The following OLFM2 variants were observed in gnomAD, a reference collection of about 807,000 sequenced individuals.
OLFM2 encodes the protein olfactomedin 2, also known as noelin-2.
A neutral mutation model predicts 43.9 loss-of-function variants in OLFM2; 20 were observed. That is an observed-to-expected ratio of 0.46 (90% CI 0.32 to 0.66). The LOEUF is 0.66. Among genes scored for constraint, OLFM2 ranks in the 30% least tolerant of loss-of-function variants. The pLI is 0.04. For synonymous variants in OLFM2, 268 were observed against 278.6 expected (o/e 0.96, Z 0.38); for missense variants, 416 against 643.6 (o/e 0.65, Z 3.83).
intron 1 of OLFM2, among the ~76,000 whole-genome samples, chr19:9,911,630 G>A (rs149611305): frequency 6.6e-6 from 1 of 152,204 alleles, no homozygotes; most frequent in East Asian, 1.9e-4. Flanking sequence ...CCACACATAT[G>A]CACACAAAGA....
chr19:9,904,293 C>T (rs1599491525), intron 1 of OLFM2, among the ~76,000 whole-genome samples: 3 of 151,714 alleles, frequency 2.0e-5, no homozygotes, highest in East Asian at 3.9e-4. Context: ...CAGGTTCAAG[C>T]GATTCTCCTG....
intron 1 of OLFM2, among the ~76,000 whole-genome samples, chr19:9,884,713 T>C (rs768727736): frequency 1.3e-5 from 2 of 152,194 alleles, no homozygotes; most frequent in Admixed American, 6.6e-5. Flanking sequence ...CACAGCTCCC[T>C]GCCCCTTCCC....
chr19:9,930,126 A>T (rs1040623453), intron 1 of OLFM2, among the ~76,000 whole-genome samples: 1 of 152,194 alleles, frequency 6.6e-6, no homozygotes, highest in Non-Finnish European at 1.5e-5. Context: ...TGATGATACA[A>T]GCATGTCCCT....
chr19:9,932,222 G>A (rs748611914), intron 1 of OLFM2, among the ~76,000 whole-genome samples: 24 of 151,818 alleles, frequency 1.6e-4, no homozygotes, highest in Non-Finnish European at 2.9e-4. Context: ...CACTTTGGGC[G>A]GCAGATCACC....
chr19:9,896,331 C>T (rs1330995198), intron 1 of OLFM2, among the ~76,000 whole-genome samples: 1 of 151,940 alleles, frequency 6.6e-6, no homozygotes, highest in African/African-American at 2.4e-5. Context: ...AATCTCCTCA[C>T]CTTGTGATCC....
intron 1 of OLFM2, among the ~76,000 whole-genome samples, chr19:9,923,964 G>A (rs1454862171): frequency 6.6e-6 from 1 of 151,702 alleles, no homozygotes; most frequent in Non-Finnish European, 1.5e-5. Flanking sequence ...GCCGGGCTTG[G>A]TGGTGTGTGC....
intron 1 of OLFM2, among the ~76,000 whole-genome samples, chr19:9,904,410 C>G (rs889123175): frequency 1.3e-5 from 2 of 151,860 alleles, no homozygotes; most frequent in African/African-American, 4.8e-5. Context: ...AGGCTAGTCT[C>G]GAACCTCTGA....
chr19:9,921,819 T>C (rs1193942928), intron 1 of OLFM2, among the ~76,000 whole-genome samples: 1 of 151,968 alleles, frequency 6.6e-6, no homozygotes, highest in Non-Finnish European at 1.5e-5. Flanking sequence ...CCTGGCTGAG[T>C]GCAGTGGCTC....
intron 1 of OLFM2, among the ~76,000 whole-genome samples, chr19:9,908,697 T>G (rs2046803868): frequency 6.6e-6 from 1 of 151,958 alleles, no homozygotes; most frequent in Non-Finnish European, 1.5e-5. Flanking sequence ...CAGGATGGTC[T>G]CGATCTCCTG....
chr19:9,898,556 G>A lies in OLFM2; in HGVS notation c.63+37748C>T, dbSNP rs181537315. Among the ~76,000 whole-genome samples the A allele has an allele frequency of 7.3e-4, 111 of 152,058 alleles. 1 individual carries two copies. The highest frequency in any genetic ancestry group is 2.6e-3 in the African/African-American group (106 of 41,496). ...AAATTTTTTTGTGTGTGGAGACTGG[G>A]TCTTGCTATGTTGCCCAGGGTGGTC... is the stretch of plus-strand genomic sequence containing the variant. On this transcript the variant is annotated intron_variant, in intron 1 of 5. Transcript: ENST00000264833.
intron 1 of OLFM2, among the ~76,000 whole-genome samples, chr19:9,868,920 A>AGT (rs982772558): frequency 6.6e-6 from 1 of 152,012 alleles, no homozygotes; most frequent in Non-Finnish European, 1.5e-5. Context: ...TGCGTGACAA[A>AGT]GTGAGACCCT....
intron 1 of OLFM2, among the ~76,000 whole-genome samples, chr19:9,906,745 C>A (rs915651290): frequency 1.3e-5 from 2 of 152,140 alleles, no homozygotes; most frequent in Middle Eastern, 3.2e-3. Flanking sequence ...ACAAACCTCC[C>A]CTCTGCCTTT....
chr19:9,885,777 C>G (rs1599480615), intron 1 of OLFM2, among the ~76,000 whole-genome samples: 1 of 152,100 alleles, frequency 6.6e-6, no homozygotes, highest in African/African-American at 2.4e-5. Flanking sequence ...AGGTCCTGCT[C>G]CCCTCACCCC....
intron 1 of OLFM2, among the ~76,000 whole-genome samples, chr19:9,932,761 C>T (rs1166921660): frequency 1.3e-5 from 2 of 152,166 alleles, no homozygotes; most frequent in African/African-American, 4.8e-5. Flanking sequence ...GTAGCTAGAT[C>T]TTAGGGAGGC....
At chr19:9,898,720 G>T (rs777331523) in intron 1 of OLFM2, among the ~76,000 whole-genome samples, 2 of 151,982 alleles carry the variant, frequency 1.3e-5, no homozygotes, top group Admixed American at 1.3e-4. Flanking sequence ...CAGCCACCAC[G>T]CCATTTCTGT....
chr19:9,929,305 TACATGGGCCGGGCGCGGTGGCTC>T, intron 1 of OLFM2, among the ~76,000 whole-genome samples: 1 of 152,026 alleles, frequency 6.6e-6, no homozygotes, highest in East Asian at 1.9e-4. Context: ...TCTAAATGAA[TACATGGGCCGGGCGCGGTGGCTC>T]ACACCTGTAA....
chr19:9,921,974 G>A (rs918925651), intron 1 of OLFM2, among the ~76,000 whole-genome samples: 2 of 151,898 alleles, frequency 1.3e-5, no homozygotes, highest in Non-Finnish European at 2.9e-5. Context: ...TGCACCTATA[G>A]CTCCAGCAAC....
At chr19:9,925,050 C>T (rs574400854) in intron 1 of OLFM2, among the ~76,000 whole-genome samples, 7 of 152,044 alleles carry the variant, frequency 4.6e-5, no homozygotes, top group African/African-American at 1.4e-4. Context: ...ATCGTTTGAG[C>T]CCAGGAGTTG....
At chr19:9,912,518 G>T (rs769510699) in intron 1 of OLFM2, among the ~76,000 whole-genome samples, 1 of 152,116 alleles carries the variant, frequency 6.6e-6, no homozygotes, top group Non-Finnish European at 1.5e-5. Context: ...ACAGGGGTGG[G>T]GCTACCAGAG....
Sources: gnomAD v4.1 joint callset for allele counts (sites outside exome capture counted in the v4.1 genomes callset) on GRCh38, gnomAD v4.1.1 for gene constraint, MANE v1.5 for transcripts, NCBI Gene and HGNC (gene_info 2026-07-23, HGNC 2026-07-21) for gene names.